GABRB1: variants seen among roughly 807,000 people sequenced by gnomAD.
GABRB1 encodes the protein gamma-aminobutyric acid type A receptor subunit beta1.
A neutral mutation model predicts 51.6 loss-of-function variants in GABRB1; 17 were observed. That is an observed-to-expected ratio of 0.33 (90% CI 0.23 to 0.49). The LOEUF (loss-of-function observed/expected upper bound fraction) is 0.49, where lower values mean the gene tolerates loss of function less well. Among genes scored for constraint, GABRB1 ranks in the 20% least tolerant of loss-of-function variants. The probability of loss-of-function intolerance (pLI) is 0.99; values close to 1 mark genes in which losing one functional copy is unlikely to be tolerated. For missense variants in GABRB1, 410 were observed against 600.6 expected (o/e 0.68, Z 3.32); for synonymous variants, 247 against 218.9 (o/e 1.13, Z -1.14).
At chr4:47,236,426 T>C (rs1048458544) in intron 4 of GABRB1, among the ~76,000 whole-genome samples, 1 of 152,154 alleles carries the variant, frequency 6.6e-6, no homozygotes, top group Non-Finnish European at 1.5e-5. Flanking sequence ...GCCAACATGC[T>C]TCTTATGTAT....
intron 5 of GABRB1, among the ~76,000 whole-genome samples, chr4:47,401,708 A>T (rs1173442627): frequency 1.3e-5 from 2 of 152,240 alleles, no homozygotes; most frequent in South Asian, 4.1e-4. Context: ...ATAAGCTGTC[A>T]TATTGCCACT....
intron 4 of GABRB1, among the ~76,000 whole-genome samples, chr4:47,265,493 T>A (rs1449295144): frequency 6.6e-6 from 1 of 152,206 alleles, no homozygotes; most frequent in East Asian, 1.9e-4. Context: ...GTAGTTCTAT[T>A]TTTATTTCTT....
chr4:47,163,486 A>G (rs1718048698), intron 4 of GABRB1, among the ~76,000 whole-genome samples: 1 of 152,012 alleles, frequency 6.6e-6, no homozygotes, highest in African/African-American at 2.4e-5. Context: ...AGCTGAGTAG[A>G]AATTTGCCAG....
At chr4:47,132,451 G>C (rs530459529) in intron 3 of GABRB1, among the ~76,000 whole-genome samples, 2 of 151,082 alleles carry the variant, frequency 1.3e-5, no homozygotes, top group East Asian at 3.9e-4. Flanking sequence ...GGTTTGGATT[G>C]CATCACTTTA....
chr4:47,056,504 G>A (rs925460167), intron 3 of GABRB1, among the ~76,000 whole-genome samples: 2 of 152,152 alleles, frequency 1.3e-5, no homozygotes, highest in Non-Finnish European at 2.9e-5. Flanking sequence ...TAGCATGCTA[G>A]GCAATCGTTT....
chr4:47,392,340 T>C (rs1728027920), intron 5 of GABRB1, among the ~76,000 whole-genome samples: 1 of 135,812 alleles, frequency 7.4e-6, no homozygotes. Flanking sequence ...CCTTCCACCT[T>C]TTTTTTTTTT....
At position 47,111,019 on chromosome 4, in the gene GABRB1, C is replaced by T. The variant is rs146374993; in HGVS notation, c.241-50230C>T. Among the ~76,000 whole-genome samples the T allele has an allele frequency of 2.5e-4, 38 of 152,104 alleles. No homozygotes were observed. The South Asian group carries it at 4.2e-3, about 17-fold the overall frequency. ...TAACATAAGGCAGGGATTTTATATG[C>T]CCATAATAACAAAATGAATTGGATC... On this transcript the variant is annotated intron_variant, in intron 3 of 8. Transcript: ENST00000295454.
Position 47,403,741 on chromosome 4 carries a change from A to T in GABRB1, c.835+30A>T, listed in dbSNP as rs186203678. 2.7e-4 allele frequency: 424 copies of T among 1,597,294 alleles called. 1 individual carries two copies. In the African/African-American group the frequency reaches 5.1e-3, roughly 19 times the overall value. On this transcript the variant is annotated intron_variant, in intron 7 of 8. Coordinates refer to ENST00000295454, the MANE Select transcript of GABRB1 (RefSeq NM_000812.4). ...TACATTCTCAGCACTGCAGAGAGCT[A>T]ACAGATTTTACTTTCAAACAAATAA...
intron 5 of GABRB1, among the ~76,000 whole-genome samples, chr4:47,388,315 A>C (rs1727871112): frequency 6.6e-6 from 1 of 152,198 alleles, no homozygotes; most frequent in African/African-American, 2.4e-5. Flanking sequence ...TAGACTAGGC[A>C]GTGTAAACAG....
chr4:47,288,158 G>T (rs1050959867), intron 4 of GABRB1, among the ~76,000 whole-genome samples: 1 of 151,956 alleles, frequency 6.6e-6, no homozygotes, highest in African/African-American at 2.4e-5. Flanking sequence ...ATCTAGTGTC[G>T]CACTAATCAC....
intron 3 of GABRB1, among the ~76,000 whole-genome samples, chr4:47,079,836 T>G (rs1577888827): frequency 1.0e-5 from 1 of 100,290 alleles, no homozygotes. Flanking sequence ...CATCACACAC[T>G]GGGGCCTGTT....
At chr4:47,090,384 T>A (rs558384204) in intron 3 of GABRB1, among the ~76,000 whole-genome samples, 1 of 152,134 alleles carries the variant, frequency 6.6e-6, no homozygotes. Context: ...AACCAAAAAT[T>A]GTGTAAAACT....
intron 3 of GABRB1, among the ~76,000 whole-genome samples, chr4:47,109,539 T>C (rs1715129765): frequency 6.6e-6 from 1 of 152,072 alleles, no homozygotes; most frequent in Non-Finnish European, 1.5e-5. Flanking sequence ...TGATAATGTC[T>C]CTATACAAAT....
chr4:47,226,213 A>G (rs553881944), intron 4 of GABRB1, among the ~76,000 whole-genome samples: 1 of 152,320 alleles, frequency 6.6e-6, no homozygotes, highest in South Asian at 2.1e-4. Context: ...TCAAATTGAA[A>G]TGAACACTGT....
intron 3 of GABRB1, among the ~76,000 whole-genome samples, chr4:47,141,443 G>A (rs1051506402): frequency 6.6e-6 from 1 of 151,880 alleles, no homozygotes; most frequent in African/African-American, 2.4e-5. Context: ...TTTTCTCCTA[G>A]TCTTATCAAC....
chr4:47,001,299 C>A (rs6447522), intron 1 of GABRB1, among the ~76,000 whole-genome samples: 17 of 151,698 alleles, frequency 1.1e-4, no homozygotes, highest in African/African-American at 1.7e-4. Flanking sequence ...CCCCCCACCA[C>A]GCCCAGCTAA....
intron 4 of GABRB1, among the ~76,000 whole-genome samples, chr4:47,177,709 A>G (rs567688848): frequency 6.6e-6 from 1 of 151,880 alleles, no homozygotes; most frequent in South Asian, 2.1e-4. Context: ...CCTAAAACTG[A>G]CTCCTCAACT....
chr4:47,257,099 C>T (rs573097810), intron 4 of GABRB1, among the ~76,000 whole-genome samples: 13 of 152,128 alleles, frequency 8.5e-5, no homozygotes, highest in Non-Finnish European at 1.6e-4. Context: ...ATGGAAGAAC[C>T]TGGTAGAAGA....
chr4:47,064,113 C>T (rs1184800452), intron 3 of GABRB1, among the ~76,000 whole-genome samples: 2 of 152,098 alleles, frequency 1.3e-5, no homozygotes, highest in African/African-American at 4.8e-5. Context: ...TAGAACCCTT[C>T]CCAGGGCCTT....
Sources: allele counts gnomAD v4.1 joint callset (sites outside exome capture counted in the v4.1 genomes callset), GRCh38; gene constraint gnomAD v4.1.1; transcripts MANE v1.5; gene names NCBI Gene and HGNC (gene_info 2026-07-23, HGNC 2026-07-21).